The following TMPRSS3 variants were observed in gnomAD, a reference collection of about 807,000 sequenced individuals.
The protein encoded by TMPRSS3 is transmembrane serine protease 3.
In TMPRSS3, 55 loss-of-function variants were observed where a neutral mutation model predicts 59.6. That is an observed-to-expected ratio of 0.92 (90% CI 0.74 to 1.16). The LOEUF (loss-of-function observed/expected upper bound fraction) is 1.16, where lower values mean the gene tolerates loss of function less well. TMPRSS3 is among the 50% of genes most tolerant of loss of function. TMPRSS3 has a pLI of 0.00. For synonymous variants in TMPRSS3, 257 were observed against 237.7 expected, an observed-to-expected ratio of 1.08 and a Z score of -0.75; for missense variants, 596 against 579.4, an observed-to-expected ratio of 1.03 and a Z score of -0.29.
intron 12 of TMPRSS3, among the ~76,000 whole-genome samples, chr21:42,373,999 G>A (rs1434380697): frequency 3.3e-5 from 5 of 152,172 alleles, no homozygotes; most frequent in African/African-American, 7.2e-5. Flanking sequence ...TCTGTGTCCC[G>A]TGAAGGCCTC....
chr21:42,390,049 A>T lies in TMPRSS3; in HGVS notation c.95-12T>A. On this transcript the variant is annotated splice_polypyrimidine_tract_variant and intron_variant, in intron 2 of 12. Coordinates refer to ENST00000644384, the MANE Select transcript of TMPRSS3 (RefSeq NM_001256317.3). ...AACAGCATCTGCATCTGAAAACCAG[A>T]AAAAGGAAGAGCAGAAAGCCACAGA... 1 of 1,598,456 alleles carries T rather than the reference A, an allele frequency of 6.3e-7. No homozygotes were observed.
At position 42,380,082 on chromosome 21, in the gene TMPRSS3, C is replaced by A. The variant is rs201868286; in HGVS notation, c.1048+35G>T. 1.1e-5 allele frequency: 17 copies of A among 1,570,814 alleles called. No homozygotes were observed. In the African/African-American group the frequency reaches 2.0e-4, roughly 19 times the overall value. ...CTCCGCAGCCCTCTGGGTTCTGAGC[C>A]CCTGGACTCCGAATCTTGGCTTCAG... On this transcript the variant is annotated intron_variant, in intron 10 of 12. Coordinates refer to ENST00000644384, the MANE Select transcript of TMPRSS3 (RefSeq NM_001256317.3).
At chr21:42,377,107 A>G (rs1204978073) in intron 10 of TMPRSS3, among the ~76,000 whole-genome samples, 3 of 152,254 alleles carry the variant, frequency 2.0e-5, no homozygotes, top group Non-Finnish European at 4.4e-5. Flanking sequence ...GATGGTCAGC[A>G]GAAAAATGAC....
In TMPRSS3 at chr21:42,380,212, T is replaced by G; in HGVS notation, c.953A>C (p.Glu318Ala). 3.1e-6 allele frequency: 5 copies of G among 1,613,212 alleles called. No homozygotes were observed. Among genetic ancestry groups the G allele is most frequent in the East Asian group, 4.5e-5 (2 of 44,862 alleles). The change falls in exon 10 of 13, where the codon GAA becomes GCA. Residue 318 changes from glutamate (E) to alanine (A), a missense_variant and splice_region_variant. Glu to Ala is a moderately radical substitution (Grantham distance 107, BLOSUM62 -1). Transcript: ENST00000644384. ...MKLAGPLTFN[E>A]MIQPVCLPNS... The stretch of plus-strand genomic sequence containing the variant: ...GGGCAGGCACACAGGCTGGATCATT[T>G]CTGCTTGAAGGGAAACAATAGTTCA...
intron 9 of TMPRSS3, 42 bp from the exon 10 acceptor site, chr21:42,380,254 G>A (rs764455731): frequency 6.5e-7 from 1 of 1,527,694 alleles, no homozygotes; most frequent in Non-Finnish European, 9.1e-7. Flanking sequence ...AATTGAAGCA[G>A]GAGTCCGAGA....
intron 10 of TMPRSS3, 151 bp from the exon 11 acceptor site, chr21:42,376,834 G>A (rs748363450): frequency 3.7e-5 from 47 of 1,253,414 alleles, no homozygotes; most frequent in Non-Finnish European, 5.2e-5. Flanking sequence ...AGGGCCCTGC[G>A]GGTGGGACGA....
chr21:42,376,612 C>T lies in TMPRSS3; in HGVS notation c.1120G>A (p.Val374Met), dbSNP rs775508015. 35 of 1,613,946 alleles carry T rather than the reference C, an allele frequency of 2.2e-5. No homozygotes were observed. The highest frequency in any genetic ancestry group is 5.3e-5 in the African/African-American group (4 of 74,914). ...GAGGGGGAGATGATGCCACCGTACA[C>T]GTCCCTGTGGTTGCAGATCTTGTTG... ...ISNKICNHRD[V>M]YGGIISPSML... The change falls in exon 11 of 13, where the codon GTG becomes ATG. Residue 374 changes from valine to methionine, a missense_variant. Physicochemically the swap from Val to Met is conservative, Grantham distance 21. Coordinates refer to ENST00000644384, the MANE Select transcript of TMPRSS3 (RefSeq NM_001256317.3).
Position 42,382,084 on chromosome 21 carries a change from G to T in TMPRSS3, c.933C>A (p.Ala311=). Residue 311 remains alanine (A), a synonymous_variant, in exon 9 of 13, where the codon GCC becomes GCA. Transcript: ENST00000644384. ...ATGTACCATTGAACGTGAGTGGCCC[G>T]GCCAGCTTCATAAGGGCGATGTCAT... is the stretch of plus-strand genomic sequence containing the variant. ...LGNDIALMKL[A]GPLTFNEMIQ... 1.9e-6 allele frequency: 3 copies of T among 1,614,172 alleles called. No homozygotes were observed.
chr21:42,377,962 A>G (rs1224744100), intron 10 of TMPRSS3, among the ~76,000 whole-genome samples: 2 of 152,244 alleles, frequency 1.3e-5, no homozygotes, highest in Non-Finnish European at 2.9e-5. Context: ...AAGCTGTTGC[A>G]CAGCCTCCTC....
intron 2 of TMPRSS3, among the ~76,000 whole-genome samples, chr21:42,394,279 A>G (rs1004298262): frequency 3.9e-5 from 6 of 152,122 alleles, no homozygotes; most frequent in African/African-American, 1.4e-4. Flanking sequence ...CTATAGGTCA[A>G]ACTATGATCA....
At chr21:42,374,958 A>G (rs1310689437) in intron 12 of TMPRSS3, among the ~76,000 whole-genome samples, 1 of 150,964 alleles carries the variant, frequency 6.6e-6, no homozygotes, top group Non-Finnish European at 1.5e-5. Flanking sequence ...AACCGTATTA[A>G]GTGAGGACCT....
At chr21:42,395,806 T>A (rs1568894789) in intron 1 of TMPRSS3, 136 bp downstream of exon 1, 1 of 408,272 alleles carries the variant, frequency 2.4e-6, no homozygotes, top group Admixed American at 2.7e-5. Flanking sequence ...ATATTGCTAT[T>A]GTTCAGAAGA....
At chr21:42,379,836 G>C (rs952639340) in intron 10 of TMPRSS3, among the ~76,000 whole-genome samples, 1 of 152,132 alleles carries the variant, frequency 6.6e-6, no homozygotes, top group Non-Finnish European at 1.5e-5. Context: ...TAACAAGGCC[G>C]GGGGTCCGGG....
intron 5 of TMPRSS3, among the ~76,000 whole-genome samples, chr21:42,386,375 G>C (rs985267666): frequency 2.0e-5 from 3 of 152,256 alleles, no homozygotes; most frequent in African/African-American, 7.2e-5. Context: ...AATCAAGGCG[G>C]CGGGCACGAC....
At chr21:42,379,038 C>A (rs1000473101) in intron 10 of TMPRSS3, among the ~76,000 whole-genome samples, 7 of 152,162 alleles carry the variant, frequency 4.6e-5, no homozygotes, top group Admixed American at 4.6e-4. Flanking sequence ...GTGTGCGCCA[C>A]CATGCCTGGC....
chr21:42,380,192 G>A lies in TMPRSS3; in HGVS notation c.973C>T (p.Leu325=), dbSNP rs140676332. 75 of 1,614,078 alleles carry A rather than the reference G, an allele frequency of 4.6e-5. No individual in the cohort carries two copies. In the East Asian group the frequency reaches 1.5e-3, roughly 32 times the overall value. Residue 325 remains leucine, a synonymous_variant, in exon 10 of 13, where the codon CTG becomes TTG. Coordinates refer to ENST00000644384, the MANE Select transcript of TMPRSS3 (RefSeq NM_001256317.3). ...TFNEMIQPVC[L]PNSEENFPDG... The stretch of plus-strand genomic sequence containing the variant: ...GGGAAGTTCTCTTCAGAGTTGGGCA[G>A]GCACACAGGCTGGATCATTTCTGCT...
chr21:42,385,506 T>G lies in TMPRSS3; in HGVS notation c.475A>C (p.Ser159Arg). Residue 159 changes from serine to arginine, a missense_variant, in exon 6 of 13, where the codon AGC becomes CGC. Ser to Arg is a moderately radical substitution (Grantham distance 110). Coordinates refer to ENST00000644384, the MANE Select transcript of TMPRSS3 (RefSeq NM_001256317.3). ...SYVSSDNLRV[S>R]SLEGQFREEF... is the part of the protein sequence containing the mutation. ...TCCCGGAACTGCCCCTCCAGCGAGC[T>G]CACTCTGAGGTTATCTGAACTCACA... 2 of 1,614,154 alleles carry G rather than the reference T, an allele frequency of 1.2e-6. No homozygotes were observed. The highest frequency in any genetic ancestry group is 2.2e-5 in the South Asian group (2 of 91,082).
intron 12 of TMPRSS3, among the ~76,000 whole-genome samples, chr21:42,374,952 G>A (rs1264253783): frequency 6.6e-5 from 10 of 151,616 alleles, no homozygotes; most frequent in South Asian, 2.1e-4. Context: ...CCCATCAACC[G>A]TATTAAGTGA....
intron 8 of TMPRSS3, 114 bp from the exon 9 acceptor site, chr21:42,382,348 G>A (rs1281718827): frequency 5.3e-6 from 5 of 939,470 alleles, no homozygotes; most frequent in East Asian, 2.6e-5. Flanking sequence ...CAGGCAAGAT[G>A]TGGTCCCATC....
Sources: gnomAD v4.1 joint callset for allele counts (sites outside exome capture counted in the v4.1 genomes callset) on GRCh38, gnomAD v4.1.1 for gene constraint, MANE v1.5 for transcripts, NCBI Gene and HGNC (gene_info 2026-07-23, HGNC 2026-07-21) for gene names.